RABGAP1L: variants seen among roughly 807,000 people sequenced by gnomAD.
RABGAP1L encodes RAB GTPase activating protein 1 like, also known as rab GTPase-activating protein 1-like.
Under a neutral mutation model 137.7 loss-of-function variants are expected in RABGAP1L, and 63 were observed. The ratio of observed to expected loss-of-function variants is 0.46; its 90% CI spans 0.37 to 0.56. The LOEUF (loss-of-function observed/expected upper bound fraction) is 0.56, where lower values mean the gene tolerates loss of function less well. Among genes scored for constraint, RABGAP1L ranks in the 20% least tolerant of loss-of-function variants. The pLI is 0.00. For missense variants in RABGAP1L, 1,095 were observed against 1,244.0 expected, an observed-to-expected ratio of 0.88 and a Z score of 1.80; for synonymous variants, 431 against 433.7, an observed-to-expected ratio of 0.99 and a Z score of 0.08.
intron 1 of RABGAP1L, among the ~76,000 whole-genome samples, chr1:174,189,151 G>A (rs1263016875): frequency 6.6e-6 from 1 of 152,016 alleles, no homozygotes; most frequent in Non-Finnish European, 1.5e-5. Context: ...GACTACAGGC[G>A]CCTGCCACCA....
intron 13 of RABGAP1L, among the ~76,000 whole-genome samples, chr1:174,493,631 G>A (rs897295351): frequency 2.6e-5 from 4 of 151,738 alleles, no homozygotes; most frequent in Non-Finnish European, 4.4e-5. Flanking sequence ...ACCAGCCTGG[G>A]CAACATGGCA....
chr1:174,811,925 G>T lies in RABGAP1L; in HGVS notation c.2305G>T (p.Ala769Ser). 1 of 1,606,674 alleles carries T rather than the reference G, an allele frequency of 6.2e-7. No individual in the cohort carries two copies. Among genetic ancestry groups the T allele is most frequent in the Non-Finnish European group, 8.5e-7 (1 of 1,176,310 alleles). Residue 769 changes from alanine to serine, a missense_variant, in exon 19 of 26, where the codon GCA (alanine) becomes TCA (serine). Transcript: ENST00000681986. Reference sequence around the variant, plus strand: ...AAAGAGATACAGGGCAGAGGAAAATGCAAGAAGACTGATGGAGCAGGCTTG... The same window carrying T: ...AAAGAGATACAGGGCAGAGGAAAATTCAAGAAGACTGATGGAGCAGGCTTG... ...LPKRYRAEEN[A>S]RRLMEQACNI... is the part of the protein sequence containing the mutation.
intron 11 of RABGAP1L, among the ~76,000 whole-genome samples, chr1:174,307,794 C>T (rs1163843805): frequency 6.6e-6 from 1 of 151,990 alleles, no homozygotes; most frequent in Non-Finnish European, 1.5e-5. Context: ...TGCAGCTGTC[C>T]CTTTGACATA....
chr1:174,877,347 T>G, intron 19 of RABGAP1L: 22 of 1,301,716 alleles, frequency 1.7e-5, no homozygotes, highest in East Asian at 2.8e-5. Context: ...TTTCTTTCTC[T>G]TTCTTTCTTT....
chr1:174,344,964 GTA>G (rs1682308910), intron 11 of RABGAP1L, among the ~76,000 whole-genome samples: 1 of 152,060 alleles, frequency 6.6e-6, no homozygotes, highest in Non-Finnish European at 1.5e-5. Flanking sequence ...TTTGACTTTT[GTA>G]TATGGTGAGA....
chr1:174,219,969 A>G (rs1158753897), intron 2 of RABGAP1L, among the ~76,000 whole-genome samples: 1 of 152,242 alleles, frequency 6.6e-6, no homozygotes. Context: ...GTGTATTAAT[A>G]TATCAGTCTA....
At chr1:174,201,162 C>T (rs192793893) in intron 1 of RABGAP1L, among the ~76,000 whole-genome samples, 13 of 152,182 alleles carry the variant, frequency 8.5e-5, no homozygotes, top group African/African-American at 3.1e-4. Context: ...CCCTCTGTTG[C>T]TCAGGCTGGT....
intron 14 of RABGAP1L, among the ~76,000 whole-genome samples, chr1:174,676,992 T>C (rs574333785): frequency 2.6e-5 from 4 of 152,098 alleles, no homozygotes; most frequent in Non-Finnish European, 5.9e-5. Flanking sequence ...AAGATTTTAA[T>C]ATTTGTTTCC....
chr1:174,290,006 TG>T (rs1401505899), intron 10 of RABGAP1L, among the ~76,000 whole-genome samples: 2 of 152,144 alleles, frequency 1.3e-5, no homozygotes, highest in Admixed American at 1.3e-4. Flanking sequence ...GCTCCCTGGT[TG>T]GGTGGGATTG....
intron 13 of RABGAP1L, among the ~76,000 whole-genome samples, chr1:174,461,518 A>G (rs114348051): frequency 0.013 from 1,923 of 152,292 alleles, 14 homozygotes; most frequent in Non-Finnish European, 0.02. Context: ...TGCTTTGTAT[A>G]TAGTGGCTAC....
In RABGAP1L at chr1:174,618,727, C is replaced by G. The variant is rs187854835; in HGVS notation, c.1711-18648C>G. ...CAGAAAAAATGGAAACTCTAAAAGT[C>G]AGAGTGCCTCTCCTCCTCCAAAAAC... is the stretch of plus-strand genomic sequence containing the variant. On this transcript the variant is annotated intron_variant, in intron 13 of 25. Transcript: ENST00000681986. 6.7e-3 allele frequency among the ~76,000 whole-genome samples: 1,026 copies of G among 152,274 alleles called. 9 individuals are homozygous for G. The highest frequency in any genetic ancestry group is 0.011 in the Non-Finnish European group (740 of 68,020).
chr1:174,870,183 A>G (rs1434089282), intron 19 of RABGAP1L, among the ~76,000 whole-genome samples: 3 of 152,232 alleles, frequency 2.0e-5, no homozygotes, highest in Non-Finnish European at 4.4e-5. Flanking sequence ...GCAAATTACC[A>G]TAGGCTAATT....
At chr1:174,466,787 C>T (rs1053232876) in intron 13 of RABGAP1L, among the ~76,000 whole-genome samples, 1 of 151,928 alleles carries the variant, frequency 6.6e-6, no homozygotes. Flanking sequence ...ACTTTATCCC[C>T]GCCCCCGAAA....
intron 13 of RABGAP1L, among the ~76,000 whole-genome samples, chr1:174,551,012 A>ATATATATATATATATATG (rs1666491998): frequency 2.3e-5 from 3 of 127,924 alleles, no homozygotes; most frequent in African/African-American, 1.0e-4. Context: ...ATATATATAT[A>ATATATATATATATATATG]TATATATATA....
chr1:174,350,892 C>T (rs1185110381), intron 11 of RABGAP1L, among the ~76,000 whole-genome samples: 14 of 104,658 alleles, frequency 1.3e-4, no homozygotes, highest in Admixed American at 8.6e-4. Context: ...GGCTGGAGAC[C>T]GGCCCGGCCA....
In RABGAP1L at chr1:174,326,137, T is replaced by C. The variant is rs192216558; in HGVS notation, c.1465+21010T>C. Among the ~76,000 whole-genome samples the C allele has an allele frequency of 2.4e-3, 373 of 152,314 alleles. 7 individuals are homozygous for C. The South Asian group carries it at 0.028, about 11-fold the overall frequency. ...CTAGAATAAATATCTAATTTGTTAA[T>C]GAGTAGACAGAGATGCATGTCCACA... is the stretch of plus-strand genomic sequence containing the variant. On this transcript the variant is annotated intron_variant, in intron 11 of 25. Coordinates refer to ENST00000681986, the MANE Select transcript of RABGAP1L (RefSeq NM_001366446.1).
chr1:174,359,578 T>C (rs74128369), intron 11 of RABGAP1L, among the ~76,000 whole-genome samples: 5,278 of 152,318 alleles, frequency 0.035, 121 homozygotes, highest in Middle Eastern at 0.088. Context: ...ATTTTTGGCA[T>C]GAGTGCCCAA....
intron 10 of RABGAP1L, among the ~76,000 whole-genome samples, chr1:174,289,833 C>T (rs1234305383): frequency 6.6e-6 from 1 of 152,138 alleles, no homozygotes; most frequent in Admixed American, 6.5e-5. Flanking sequence ...TTGTAATTGC[C>T]TCTGGTTGGG....
chr1:174,711,485 C>G (rs1407858796), intron 17 of RABGAP1L, among the ~76,000 whole-genome samples: 1 of 152,138 alleles, frequency 6.6e-6, no homozygotes, highest in Admixed American at 6.5e-5. Context: ...GGACCCCGCA[C>G]TCGGAGCGGC....
Sources: gnomAD v4.1 joint callset for allele counts (sites outside exome capture counted in the v4.1 genomes callset) on GRCh38, gnomAD v4.1.1 for gene constraint, MANE v1.5 for transcripts, NCBI Gene and HGNC (gene_info 2026-07-23, HGNC 2026-07-21) for gene names.